PCDHGA1: variants seen among roughly 807,000 people sequenced by gnomAD.
PCDHGA1 encodes the protein protocadherin gamma subfamily A, 1.
A neutral mutation model predicts 58.0 loss-of-function variants in PCDHGA1; 32 were observed. That is an observed-to-expected ratio of 0.55 (90% confidence interval 0.42 to 0.74). PCDHGA1 has a LOEUF of 0.74. Ranked by LOEUF, PCDHGA1 falls within the 30% of genes least tolerant of loss-of-function variation. PCDHGA1 has a pLI of 0.00. For missense variants in PCDHGA1, 1,205 were observed against 1,182.3 expected, an observed-to-expected ratio of 1.02 and a Z score of -0.28; for synonymous variants, 498 against 501.1, an observed-to-expected ratio of 0.99 and a Z score of 0.08.
In PCDHGA1 at chr5:141,389,708, G is replaced by C. The variant is rs773973967; in HGVS notation, c.2421+56603G>C. On this transcript the variant is annotated intron_variant, in intron 1 of 3. Coordinates refer to ENST00000517417, the MANE Select transcript of PCDHGA1 (RefSeq NM_018912.3). ...CCTGGCTGTCCTACCACGTGCTGCA[G>C]GCTAGCGAGCCCGGGCTCTTCAGCC... The C allele has an allele frequency of 4.3e-6, 7 of 1,612,610 alleles. No homozygotes were observed. In the South Asian group the frequency reaches 7.7e-5, roughly 18 times the overall value.
intron 1 of PCDHGA1, chr5:141,341,329 G>A (rs753009356): frequency 1.2e-5 from 20 of 1,614,122 alleles, no homozygotes; most frequent in Non-Finnish European, 1.6e-5. Flanking sequence ...AGAGCTGTGA[G>A]AAAAAGGATT....
In PCDHGA1 at chr5:141,432,976, C is replaced by T; in HGVS notation, c.2422-61831C>T. 1 of 1,614,210 alleles carries T rather than the reference C, an allele frequency of 6.2e-7. No individual in the cohort carries two copies. On this transcript the variant is annotated intron_variant, in intron 1 of 3. Transcript: ENST00000517417. The surrounding 1 kb of genome is among the most constrained non-coding windows in gnomAD (Gnocchi z 6.0). Reference sequence around the variant, plus strand: ...GCTTGACAGGAGCGCCGGCGTCGCACTTTGTGGGCGTGGACGGGGTGCAGG... The same window carrying T: ...GCTTGACAGGAGCGCCGGCGTCGCATTTTGTGGGCGTGGACGGGGTGCAGG...
chr5:141,394,178 C>T (rs1180220826), intron 1 of PCDHGA1: 2 of 1,613,812 alleles, frequency 1.2e-6, no homozygotes, highest in South Asian at 2.2e-5. Flanking sequence ...TCCCTCATGC[C>T]TCCTACTCAG....
chr5:141,388,016 C>T lies in PCDHGA1; in HGVS notation c.2421+54911C>T, dbSNP rs1026420398. Reference sequence around the variant, plus strand: ...GGATTCCCGAGGAAATGCCCAAGGGCTCCGTAGTGGGGAACCTCGCCACGG... The same window carrying T: ...GGATTCCCGAGGAAATGCCCAAGGGTTCCGTAGTGGGGAACCTCGCCACGG... On this transcript the variant is annotated intron_variant, in intron 1 of 3. Coordinates refer to ENST00000517417, the MANE Select transcript of PCDHGA1 (RefSeq NM_018912.3). 4.1e-6 allele frequency: 6 copies of T among 1,465,422 alleles called. No individual in the cohort carries two copies. In the African/African-American group the frequency reaches 7.1e-5, roughly 17 times the overall value. The allele number at this position is 1,465,422 out of a possible 1,614,324, so 90.8% of individuals were successfully genotyped here.
Position 141,340,905 on chromosome 5 carries a change from C to G in PCDHGA1, c.2421+7800C>G, listed in dbSNP as rs751043033. 11 of 1,613,624 alleles carry G rather than the reference C, an allele frequency of 6.8e-6. No individual in the cohort carries two copies. The Middle Eastern group carries it at 5.1e-4, about 75-fold the overall frequency. Reference sequence around the variant, plus strand: ...GCGCTCAAGCAGAGCCTCGTGGTGGCCATCCAGGACCACGGCCAGCCCCCT... The same window carrying G: ...GCGCTCAAGCAGAGCCTCGTGGTGGGCATCCAGGACCACGGCCAGCCCCCT... On this transcript the variant is annotated intron_variant, in intron 1 of 3. Coordinates refer to ENST00000517417, the MANE Select transcript of PCDHGA1 (RefSeq NM_018912.3).
chr5:141,458,972 GTCC>G (rs2154566422), intron 1 of PCDHGA1, among the ~76,000 whole-genome samples: 1 of 151,882 alleles, frequency 6.6e-6, no homozygotes, highest in East Asian at 1.9e-4. Context: ...GCCTCAAGCA[GTCC>G]TCCTGCCTCA....
At chr5:141,478,850 A>T in intron 1 of PCDHGA1, 1 of 1,376,726 alleles carries the variant, frequency 7.3e-7, no homozygotes, top group South Asian at 1.5e-5. Context: ...AAGCTAAAAC[A>T]CAAGATCTCA....
intron 1 of PCDHGA1, chr5:141,413,625 C>T (rs372855865): frequency 1.2e-6 from 2 of 1,613,854 alleles, no homozygotes; most frequent in Admixed American, 3.3e-5. Context: ...ATGAAAATGT[C>T]GCTGCGGGAA....
chr5:141,340,682 G>A, intron 1 of PCDHGA1: 1 of 1,614,210 alleles, frequency 6.2e-7, no homozygotes, highest in East Asian at 2.2e-5. Flanking sequence ...CCCCACAGAC[G>A]GTTCCACTGG....
Position 141,477,584 on chromosome 5 carries a change from G to A in PCDHGA1, c.2422-17223G>A. 5 of 1,614,148 alleles carry A rather than the reference G, an allele frequency of 3.1e-6. No homozygotes were observed. Among genetic ancestry groups the A allele is most frequent in the Non-Finnish European group, 4.2e-6 (5 of 1,180,032 alleles). On this transcript the variant is annotated intron_variant, in intron 1 of 3. Coordinates refer to ENST00000517417, the MANE Select transcript of PCDHGA1 (RefSeq NM_018912.3). This position sits in a 1 kb window ranked among gnomAD's most constrained non-coding sequence, Gnocchi z 4.9. ...CTGGGACCCCGACGCCCCGCAGAAT[G>A]CTCGGCTTTCTTTCTTTCTCTTGGA...
rs1327978995 is a variant in PCDHGA1, at chr5:141,345,630, A to C, written c.2421+12525A>C. 7 of 1,614,206 alleles carry C rather than the reference A, an allele frequency of 4.3e-6. No homozygotes were observed. In the East Asian group the frequency reaches 1.6e-4, roughly 36 times the overall value. On this transcript the variant is annotated intron_variant, in intron 1 of 3. Coordinates refer to ENST00000517417, the MANE Select transcript of PCDHGA1 (RefSeq NM_018912.3). ...ATTTAGAGACTTAAAGCTACTGGTG[A>C]CAGCCAGCGACAGCGGGAACCCTCC...
intron 1 of PCDHGA1, chr5:141,351,133 T>C: frequency 1.2e-6 from 2 of 1,614,002 alleles, no homozygotes; most frequent in Non-Finnish European, 1.7e-6. Flanking sequence ...TCAATCTCAA[T>C]CCAAATACTG....
intron 1 of PCDHGA1, chr5:141,351,473 G>A (rs1758729090): frequency 6.2e-7 from 1 of 1,613,814 alleles, no homozygotes. Context: ...GATTGCTGGA[G>A]CCCTAAACCG....
At chr5:141,401,059 G>T (rs1418485253) in intron 1 of PCDHGA1, among the ~76,000 whole-genome samples, 2 of 152,082 alleles carry the variant, frequency 1.3e-5, no homozygotes, top group Non-Finnish European at 2.9e-5. Flanking sequence ...AATACTATAT[G>T]TTGGCTGGGT....
Position 141,340,562 on chromosome 5 carries a change from T to C in PCDHGA1, c.2421+7457T>C, listed in dbSNP as rs1756958309. ...TGAGCAGTTGCGAGACTTGCAAGTG[T>C]GGGTGATAGCGCGGGACAGCGGGAA... On this transcript the variant is annotated intron_variant, in intron 1 of 3. Coordinates refer to ENST00000517417, the MANE Select transcript of PCDHGA1 (RefSeq NM_018912.3). The C allele has an allele frequency of 1.2e-6, 2 of 1,614,198 alleles. No homozygotes were observed. The highest frequency in any genetic ancestry group is 2.7e-5 in the African/African-American group (2 of 75,056).
intron 1 of PCDHGA1, chr5:141,365,437 T>C (rs1763915264): frequency 6.2e-7 from 1 of 1,614,022 alleles, no homozygotes. Context: ...TCGCGCTGTT[T>C]AGCGTACATG....
rs1375469711 is a variant in PCDHGA1, at chr5:141,512,102, C to A, written c.*929C>A. On this transcript the variant is annotated 3_prime_UTR_variant, in exon 4 of 4. Coordinates refer to ENST00000517417, the MANE Select transcript of PCDHGA1 (RefSeq NM_018912.3). ...GCCATAAACCAATAACTAGGCTGGA[C>A]CCTTCCCACTACATAATAGGGCTCA... The A allele has an allele frequency of 6.5e-6, 1 of 152,688 alleles. No individual in the cohort carries two copies. Among genetic ancestry groups the A allele is most frequent in the Non-Finnish European group, 1.5e-5 (1 of 68,070 alleles). The allele number at this position is 152,688 out of a possible 1,614,324, so 9.5% of individuals were successfully genotyped here. A position where few individuals can be genotyped will look rare whatever the true frequency, so the allele number is the denominator to read the frequency against.
At chr5:141,376,832 G>A (rs1773425503) in intron 1 of PCDHGA1, 3 of 257,250 alleles carry the variant, frequency 1.2e-5, no homozygotes, top group South Asian at 6.2e-5. Flanking sequence ...GACTACAGGC[G>A]CCCGCCACCG....
intron 1 of PCDHGA1, among the ~76,000 whole-genome samples, chr5:141,446,022 T>C (rs2098484874): frequency 1.3e-5 from 2 of 152,198 alleles, no homozygotes; most frequent in Admixed American, 1.3e-4. Flanking sequence ...TATGGCAATA[T>C]TCCTGGTAAG....
Sources: allele counts gnomAD v4.1 joint callset (sites outside exome capture counted in the v4.1 genomes callset), GRCh38; gene constraint gnomAD v4.1.1; non-coding constraint Gnocchi (gnomAD v3.1); transcripts MANE v1.5; gene names NCBI Gene and HGNC (gene_info 2026-07-23, HGNC 2026-07-21).